The following TSNARE1 variants were observed in gnomAD, a reference collection of about 807,000 sequenced individuals.
TSNARE1 encodes the protein t-SNARE domain containing 1, also known as t-SNARE domain-containing protein 1.
A neutral mutation model predicts 62.0 loss-of-function variants in TSNARE1; 49 were observed. That is an observed-to-expected ratio of 0.79 (90% CI 0.63 to 1.00). The LOEUF is 1.00. Among genes scored for constraint, TSNARE1 ranks in the 50% least tolerant of loss-of-function variants. The pLI, the probability that TSNARE1 is intolerant of heterozygous loss-of-function variation, is 0.00. For synonymous variants in TSNARE1, 328 were observed against 294.4 expected, an observed-to-expected ratio of 1.11 and a Z score of -1.17; for missense variants, 755 against 700.1, an observed-to-expected ratio of 1.08 and a Z score of -0.88.
rs962697881 is a variant in TSNARE1 at position 142,318,465 on chromosome 8, G to A, written c.984+79C>T. ...CGTCAGCCTCCCTGTATCCTGCCTC[G>A]TGTGACATCCCTGCTCCCATCACAG... On this transcript the variant is annotated intron_variant, in intron 7 of 13. Transcript: ENST00000524325. The A allele has an allele frequency of 3.1e-5, 43 of 1,405,404 alleles. No homozygotes were observed. The Middle Eastern group carries it at 7.1e-4, about 23-fold the overall frequency. The allele number at this position is 1,405,404 out of a possible 1,614,324, so 87.1% of individuals were successfully genotyped here.
At chr8:142,218,290 G>C (rs78394843) in intron 13 of TSNARE1, among the ~76,000 whole-genome samples, 155 of 150,450 alleles carry the variant, frequency 1.0e-3, no homozygotes, top group African/African-American at 3.6e-3. Context: ...CAGGGCTCAG[G>C]GTGTGGCCAG....
chr8:142,257,566 G>A (rs981024249), intron 12 of TSNARE1, among the ~76,000 whole-genome samples: 4 of 152,132 alleles, frequency 2.6e-5, no homozygotes, highest in Non-Finnish European at 5.9e-5. Context: ...GGGACACTGG[G>A]CAGCTCCCCT....
At chr8:142,346,561 G>A (rs377214952) in intron 2 of TSNARE1, among the ~76,000 whole-genome samples, 37 of 152,366 alleles carry the variant, frequency 2.4e-4, no homozygotes, top group East Asian at 9.6e-4. Context: ...TGTGCCTTTC[G>A]ATCCACGGCA....
intron 13 of TSNARE1, among the ~76,000 whole-genome samples, chr8:142,223,403 C>G (rs1042605025): frequency 6.6e-6 from 1 of 151,996 alleles, no homozygotes; most frequent in African/African-American, 2.4e-5. Context: ...CTCATTCACT[C>G]GTTCACTCAC....
chr8:142,222,543 T>TCCACTCACTCACTCATCCAC lies in TSNARE1; in HGVS notation c.*11+6929_*11+6930insGTGGATGAGTGAGTGAGTGG, dbSNP rs779415224. 3.7e-3 allele frequency among the ~76,000 whole-genome samples: 230 copies of TCCACTCACTCACTCATCCAC among 61,874 alleles called. 61 individuals are homozygous for TCCACTCACTCACTCATCCAC. The highest frequency in any genetic ancestry group is 0.018 in the African/African-American group (200 of 11,104). The allele number at this position is 61,874 out of a possible 152,430, so 40.6% of individuals were successfully genotyped here. ...ACTCATCCACTCACTCACTCACTCA[T>TCCACTCACTCACTCATCCAC]TCACTCACTCACTCACTCATTCACT... is the stretch of plus-strand genomic sequence containing the variant. On this transcript the variant is annotated intron_variant, in intron 13 of 13. Transcript: ENST00000524325.
intron 13 of TSNARE1, among the ~76,000 whole-genome samples, chr8:142,217,748 GTGTGACCAGGATCAGAGCTTAGTT>G (rs1239313334): frequency 6.6e-6 from 1 of 152,040 alleles, no homozygotes; most frequent in African/African-American, 2.4e-5. Flanking sequence ...TAGGGTCAGT[GTGTGACCAGGATCAGAGCTTAGTT>G]TGTGACCAGG....
At chr8:142,236,307 GCAGA>G (rs1817419976) in intron 12 of TSNARE1, among the ~76,000 whole-genome samples, 1 of 151,882 alleles carries the variant, frequency 6.6e-6, no homozygotes, top group African/African-American at 2.4e-5. Context: ...TCAGAGGCGG[GCAGA>G]CAGAGGCAGG....
chr8:142,281,689 C>T (rs775920078), intron 11 of TSNARE1, among the ~76,000 whole-genome samples: 1 of 152,052 alleles, frequency 6.6e-6, no homozygotes, highest in Non-Finnish European at 1.5e-5. Context: ...CAAGGGCAAC[C>T]CCATAGAGGA....
At position 142,354,572 on chromosome 8, in the gene TSNARE1, G is replaced by T. The variant is rs547838865; in HGVS notation, c.88+65C>A. 7.4e-5 allele frequency: 86 copies of T among 1,166,362 alleles called. No homozygotes were observed. In the East Asian group the frequency reaches 2.0e-3, roughly 27 times the overall value. 72.3% of individuals were successfully genotyped at this position (1,166,362 alleles called of 1,614,324 possible). On this transcript the variant is annotated intron_variant, in intron 2 of 13. Coordinates refer to ENST00000524325, the MANE Select transcript of TSNARE1 (RefSeq NM_145003.5). ...TTTCCAGCCATCAGCATGACACAGT[G>T]AGGATCCTACCCTACCCACTACCAT...
chr8:142,299,630 C>G (rs1443157037), intron 10 of TSNARE1, among the ~76,000 whole-genome samples: 1 of 152,232 alleles, frequency 6.6e-6, no homozygotes, highest in Non-Finnish European at 1.5e-5. Context: ...TGCATGCACA[C>G]ACACGCACTC....
At chr8:142,317,501 G>A (rs1828769577) in intron 7 of TSNARE1, among the ~76,000 whole-genome samples, 1 of 152,232 alleles carries the variant, frequency 6.6e-6, no homozygotes, top group South Asian at 2.1e-4. Flanking sequence ...CTCACACTGT[G>A]CTTATGAAGC....
chr8:142,268,300 T>A (rs1243894705), intron 12 of TSNARE1, among the ~76,000 whole-genome samples: 5 of 152,236 alleles, frequency 3.3e-5, no homozygotes, highest in African/African-American at 1.2e-4. Context: ...TGGAGACACA[T>A]GGACCAGGAC....
At chr8:142,330,700 G>A (rs1830894853) in intron 6 of TSNARE1, among the ~76,000 whole-genome samples, 1 of 152,234 alleles carries the variant, frequency 6.6e-6, no homozygotes, top group African/African-American at 2.4e-5. Context: ...CCTGCAGGCT[G>A]AGGGCCCAGT....
chr8:142,278,561 A>G (rs1402995433), intron 11 of TSNARE1: 1 of 985,204 alleles, frequency 1.0e-6, no homozygotes, highest in Non-Finnish European at 1.2e-6. Context: ...CTTGAGGAGG[A>G]GAGGAGGTGC....
chr8:142,343,128 C>G (rs1353938268), intron 4 of TSNARE1, among the ~76,000 whole-genome samples: 1 of 152,238 alleles, frequency 6.6e-6, no homozygotes, highest in Non-Finnish European at 1.5e-5. Flanking sequence ...AAAAGGGACT[C>G]TGCCTGAGCC....
chr8:142,276,422 C>A (rs891615065), intron 11 of TSNARE1: 4 of 985,374 alleles, frequency 4.1e-6, no homozygotes, highest in Admixed American at 1.2e-4. Context: ...GAGGCGCTAG[C>A]CTGGGCCCGG....
At chr8:142,256,190 TC>T (rs1563782309) in intron 12 of TSNARE1, among the ~76,000 whole-genome samples, 3 of 50,600 alleles carry the variant, frequency 5.9e-5, no homozygotes, top group Non-Finnish European at 1.2e-4. Context: ...ACCACCACCA[TC>T]ATCACCACCA....
At chr8:142,294,317 G>T (rs941744739) in intron 10 of TSNARE1, among the ~76,000 whole-genome samples, 8 of 152,156 alleles carry the variant, frequency 5.3e-5, no homozygotes, top group African/African-American at 1.7e-4. Context: ...AACAGCAAGG[G>T]CCCAAACACC....
At chr8:142,213,965 C>G (rs1474132572) in intron 13 of TSNARE1, among the ~76,000 whole-genome samples, 3 of 152,208 alleles carry the variant, frequency 2.0e-5, no homozygotes, top group East Asian at 1.9e-4. Context: ...AGCCAGCCCC[C>G]CCGGGAAGCC....
Sources: gnomAD v4.1 joint callset for allele counts (sites outside exome capture counted in the v4.1 genomes callset) on GRCh38, gnomAD v4.1.1 for gene constraint, MANE v1.5 for transcripts, NCBI Gene and HGNC (gene_info 2026-07-23, HGNC 2026-07-21) for gene names.